Variants in MKLN1 observed in about 807,000 individuals in gnomAD.
The protein encoded by MKLN1 is muskelin 1, also known as muskelin.
MKLN1 carries 18 observed loss-of-function variants against 99.0 expected under a neutral mutation model. That is an observed-to-expected ratio of 0.18 (90% CI 0.13 to 0.27). The LOEUF (loss-of-function observed/expected upper bound fraction) is 0.27. Ranked by LOEUF, MKLN1 falls within the 10% of genes least tolerant of loss-of-function variation. The pLI, the probability that MKLN1 is intolerant of heterozygous loss-of-function variation, is 1.00. For missense variants in MKLN1, 621 were observed against 875.9 expected (o/e 0.71, Z 3.67); for synonymous variants, 288 against 293.2 (o/e 0.98, Z 0.18).
chr7:131,428,937 A>G (rs117186171), intron 8 of MKLN1, 96 bp from the exon 9 acceptor site: 10,642 of 801,022 alleles, frequency 0.013, 191 homozygotes, highest in South Asian at 0.048. Context: ...ATTTAGATGT[A>G]GCTTCTTAAG....
At chr7:131,269,985 A>G (rs1472086419) in intron 3 of MKLN1, among the ~76,000 whole-genome samples, 3 of 151,998 alleles carry the variant, frequency 2.0e-5, no homozygotes, top group African/African-American at 7.3e-5. Context: ...GTGCAGTGGC[A>G]TGATCCGAGC....
At chr7:131,179,826 G>A (rs537195608) in intron 2 of MKLN1, among the ~76,000 whole-genome samples, 102 of 152,040 alleles carry the variant, frequency 6.7e-4, no homozygotes, top group African/African-American at 2.3e-3. Flanking sequence ...CGCCTGCCTC[G>A]GCCTCCCAAA....
At chr7:131,268,467 G>T (rs1025184484) in intron 3 of MKLN1, among the ~76,000 whole-genome samples, 1 of 152,208 alleles carries the variant, frequency 6.6e-6, no homozygotes, top group Admixed American at 6.5e-5. Flanking sequence ...GTCCAATACG[G>T]ATTGGTAGAG....
chr7:131,374,934 G>T, intron 1 of MKLN1, among the ~76,000 whole-genome samples: 1 of 149,230 alleles, frequency 6.7e-6, no homozygotes, highest in African/African-American at 2.5e-5. Context: ...TTTTTACCCT[G>T]AAGTCTTTTT....
chr7:131,395,707 T>C (rs190051387), intron 4 of MKLN1, among the ~76,000 whole-genome samples: 1 of 151,688 alleles, frequency 6.6e-6, no homozygotes, highest in Non-Finnish European at 1.5e-5. Context: ...GAAAAATAAC[T>C]AGTGTTGTTA....
chr7:131,259,076 T>C (rs1797696734), intron 3 of MKLN1, among the ~76,000 whole-genome samples: 1 of 152,174 alleles, frequency 6.6e-6, no homozygotes, highest in Non-Finnish European at 1.5e-5. Flanking sequence ...GGGTTGAAAC[T>C]TCTTCTCCAC....
chr7:131,275,525 C>T (rs1797948225), intron 3 of MKLN1, among the ~76,000 whole-genome samples: 1 of 114,856 alleles, frequency 8.7e-6, no homozygotes, highest in Non-Finnish European at 1.7e-5. Flanking sequence ...TGCACTACAA[C>T]GCCCAGCTGA....
At chr7:131,257,842 G>A (rs535627489) in intron 3 of MKLN1, among the ~76,000 whole-genome samples, 5 of 152,252 alleles carry the variant, frequency 3.3e-5, no homozygotes, top group Middle Eastern at 3.4e-3. Flanking sequence ...AGCAGAGACC[G>A]GGTGTGGTGG....
intron 3 of MKLN1, among the ~76,000 whole-genome samples, chr7:131,229,925 G>A (rs1315983948): frequency 2.6e-5 from 4 of 152,148 alleles, no homozygotes; most frequent in African/African-American, 9.7e-5. Context: ...AGGTTTCCCT[G>A]TTTCGTGATG....
intron 3 of MKLN1, among the ~76,000 whole-genome samples, chr7:131,212,429 C>A (rs1796919484): frequency 6.6e-6 from 1 of 152,200 alleles, no homozygotes; most frequent in Admixed American, 6.5e-5. Flanking sequence ...GGTCACTTTT[C>A]CCTTCTCTAA....
chr7:131,264,642 G>T, intron 3 of MKLN1, among the ~76,000 whole-genome samples: 1 of 151,796 alleles, frequency 6.6e-6, no homozygotes, highest in Admixed American at 6.6e-5. Context: ...GTCCCCGGAG[G>T]GTTTTTGGGT....
At chr7:131,227,485 C>CTT (rs1376201759) in intron 3 of MKLN1, among the ~76,000 whole-genome samples, 1 of 88,664 alleles carries the variant, frequency 1.1e-5, no homozygotes, top group East Asian at 3.0e-4. Context: ...CTCTCTTTCT[C>CTT]TCTTTCTTTC....
intron 12 of MKLN1, among the ~76,000 whole-genome samples, chr7:131,447,467 A>T (rs1417926075): frequency 6.6e-6 from 1 of 152,166 alleles, no homozygotes; most frequent in Admixed American, 6.5e-5. Flanking sequence ...TGGGAGGCTA[A>T]GGTGAGAGGA....
chr7:131,169,477 T>C (rs1796186081), intron 2 of MKLN1, among the ~76,000 whole-genome samples: 1 of 152,230 alleles, frequency 6.6e-6, no homozygotes, highest in African/African-American at 2.4e-5. Context: ...ACTTTGATTA[T>C]CTGCAGTATT....
In MKLN1 at chr7:131,165,999, C is replaced by T. The variant is rs146281664; in HGVS notation, c.-297+23058C>T. 9.5e-3 allele frequency among the ~76,000 whole-genome samples: 1,443 copies of T among 152,108 alleles called. 9 individuals carry two copies. Among genetic ancestry groups the T allele is most frequent in the Middle Eastern group, 0.041 (12 of 294 alleles). ...GAGTGGCAGTGTGCACCTGTGGTTC[C>T]GGCTGTGCAGGAGGCTGAGATGGGA... On this transcript the variant is annotated intron_variant, in intron 2 of 7. Coordinates refer to the MKLN1 transcript ENST00000416992.
At chr7:131,176,210 G>A (rs1650996369) in intron 2 of MKLN1, among the ~76,000 whole-genome samples, 1 of 151,718 alleles carries the variant, frequency 6.6e-6, no homozygotes, top group African/African-American at 2.4e-5. Context: ...TGCAATTAAT[G>A]GTATTCTTAA....
intron 3 of MKLN1, among the ~76,000 whole-genome samples, chr7:131,217,248 AAAT>A (rs1433791088): frequency 6.6e-6 from 1 of 152,254 alleles, no homozygotes; most frequent in African/African-American, 2.4e-5. Flanking sequence ...AGAAGTATAA[AAAT>A]AAATTATTTT....
In MKLN1 at chr7:131,319,961, C is replaced by T. The variant is rs1273423970; in HGVS notation, c.-178-55463C>T. ...AACAAATGGAAAAAAATTCCATGCT[C>T]ATGGATAGGAAGAATCAATATCATG... On this transcript the variant is annotated intron_variant, in intron 3 of 7. Coordinates refer to the MKLN1 transcript ENST00000416992. Among the ~76,000 whole-genome samples the T allele has an allele frequency of 2.0e-5, 3 of 152,184 alleles. No homozygotes were observed. In the East Asian group the frequency reaches 5.8e-4, roughly 29 times the overall value.
intron 12 of MKLN1, among the ~76,000 whole-genome samples, chr7:131,448,804 C>T (rs554524120): frequency 1.3e-5 from 2 of 152,230 alleles, no homozygotes. Context: ...ATTGAATTTT[C>T]CCACAATGCA....
Sources: allele counts gnomAD v4.1 joint callset (sites outside exome capture counted in the v4.1 genomes callset), GRCh38; gene constraint gnomAD v4.1.1; transcripts MANE v1.5; gene names NCBI Gene and HGNC (gene_info 2026-07-23, HGNC 2026-07-21).